PTAR1: variants seen among roughly 807,000 people sequenced by gnomAD.
The protein encoded by PTAR1 is protein prenyltransferase alpha subunit repeat containing 1.
In PTAR1, 17 loss-of-function variants were observed where a neutral mutation model predicts 45.5. That is an observed-to-expected ratio of 0.37 (90% CI 0.26 to 0.56). PTAR1 has a LOEUF of 0.56. PTAR1 is among the 20% of genes least tolerant of loss of function. The pLI is 0.77. For missense variants in PTAR1, 391 were observed against 476.3 expected (o/e 0.82, Z 1.67); for synonymous variants, 169 against 171.3 (o/e 0.99, Z 0.11).
chr9:69,747,868 G>C (rs906966597), intron 2 of PTAR1, among the ~76,000 whole-genome samples: 2 of 152,166 alleles, frequency 1.3e-5, no homozygotes, highest in Admixed American at 1.3e-4. Context: ...ATATAAACTG[G>C]AGGAAAAACT....
chr9:69,715,587 A>G lies in PTAR1; in HGVS notation c.*2755T>C, dbSNP rs774844919. 8.5e-5 allele frequency: 13 copies of G among 152,096 alleles called. No homozygotes were observed. Among genetic ancestry groups the G allele is most frequent in the Admixed American group, 5.2e-4 (8 of 15,242 alleles). The allele number at this position is 152,096 out of a possible 1,614,324, so 9.4% of individuals were successfully genotyped here. The stretch of plus-strand genomic sequence containing the variant: ...AGGATGACCCACTGTTCTTCCAGTG[A>G]AAGTTTAATGAAATATGTGTCAATA... On this transcript the variant is annotated 3_prime_UTR_variant, in exon 8 of 8. Coordinates refer to ENST00000340434, the MANE Select transcript of PTAR1 (RefSeq NM_001099666.2).
At chr9:69,753,192 T>C (rs764225930) in intron 1 of PTAR1, among the ~76,000 whole-genome samples, 1 of 152,080 alleles carries the variant, frequency 6.6e-6, no homozygotes, top group African/African-American at 2.4e-5. Context: ...TGCTCACTAA[T>C]TAAACTAGGA....
At chr9:69,759,801 G>GC in intron 1 of PTAR1, 52 bp downstream of exon 1, 1 of 1,294,590 alleles carries the variant, frequency 7.7e-7, no homozygotes, top group Non-Finnish European at 1.0e-6. Context: ...GCTTGGCCCC[G>GC]CCCCCGCCCG....
At chr9:69,751,228 C>T (rs1488619664) in intron 1 of PTAR1, among the ~76,000 whole-genome samples, 1 of 152,104 alleles carries the variant, frequency 6.6e-6, no homozygotes, top group South Asian at 2.1e-4. Flanking sequence ...ACCCTTTGAT[C>T]CAGCAATTCA....
chr9:69,721,543 T>C (rs1449237206), intron 6 of PTAR1, among the ~76,000 whole-genome samples: 10 of 152,168 alleles, frequency 6.6e-5, no homozygotes, highest in African/African-American at 2.4e-4. Context: ...TGACTCCAAT[T>C]TCGAAATAAG....
chr9:69,748,003 T>C (rs1027549865), intron 2 of PTAR1, among the ~76,000 whole-genome samples: 10 of 152,140 alleles, frequency 6.6e-5, no homozygotes, highest in African/African-American at 2.4e-4. Context: ...CAAACTGTTT[T>C]TAAGAAATGC....
intron 4 of PTAR1, among the ~76,000 whole-genome samples, chr9:69,732,680 G>T (rs1286976670): frequency 6.6e-6 from 1 of 152,174 alleles, no homozygotes; most frequent in African/African-American, 2.4e-5. Context: ...TGGTGTGTGT[G>T]TGTGTGGTCG....
chr9:69,740,422 G>T (rs1017682552), intron 3 of PTAR1, among the ~76,000 whole-genome samples: 1 of 151,994 alleles, frequency 6.6e-6, no homozygotes, highest in Non-Finnish European at 1.5e-5. Flanking sequence ...GTGTGTGTGT[G>T]TGTGTATGTA....
chr9:69,725,571 C>T (rs1390017334), intron 5 of PTAR1, among the ~76,000 whole-genome samples: 2 of 148,098 alleles, frequency 1.4e-5, no homozygotes, highest in African/African-American at 5.0e-5. Flanking sequence ...GCCTGGGCGA[C>T]AAAACAAGAC....
rs148787203 is a variant in PTAR1, at chr9:69,713,437, C to T, written c.*4905G>A. ...ATTTCTATGAAATTATATTTGCTAT[C>T]TTGAAATATGGAATTCCTATCCCTC... On this transcript the variant is annotated 3_prime_UTR_variant, in exon 8 of 8. Coordinates refer to ENST00000340434, the MANE Select transcript of PTAR1 (RefSeq NM_001099666.2). 1 of 152,118 alleles carries T rather than the reference C, an allele frequency of 6.6e-6. No individual in the cohort carries two copies. Among genetic ancestry groups the T allele is most frequent in the African/African-American group, 2.4e-5 (1 of 41,424 alleles). 9.4% of individuals were successfully genotyped at this position (152,118 alleles called of 1,614,324 possible).
chr9:69,735,322 C>A (rs559310671), intron 3 of PTAR1, among the ~76,000 whole-genome samples: 1 of 152,242 alleles, frequency 6.6e-6, no homozygotes, highest in African/African-American at 2.4e-5. Flanking sequence ...TGCCATATAA[C>A]CTACACACAT....
chr9:69,759,672 G>C (rs1236880572), intron 1 of PTAR1, among the ~76,000 whole-genome samples, 181 bp downstream of exon 1: 1 of 152,136 alleles, frequency 6.6e-6, no homozygotes, highest in African/African-American at 2.4e-5. Context: ...CGTCCCGGTA[G>C]CGGAAAGCCG....
At chr9:69,738,464 G>A (rs955192979) in intron 3 of PTAR1, among the ~76,000 whole-genome samples, 6 of 152,082 alleles carry the variant, frequency 3.9e-5, no homozygotes, top group African/African-American at 1.4e-4. Flanking sequence ...TTTGTCTATT[G>A]TCTCTTACTT....
rs138846338 is a variant in PTAR1, at chr9:69,753,499, T to G, written c.87-2549A>C. Among the ~76,000 whole-genome samples, 907 of 152,216 alleles carry G rather than the reference T, an allele frequency of 6.0e-3. 7 individuals are homozygous for G. Among genetic ancestry groups the G allele is most frequent in the Non-Finnish European group, 6.5e-3 (444 of 67,990 alleles). On this transcript the variant is annotated intron_variant, in intron 1 of 7. Coordinates refer to ENST00000340434, the MANE Select transcript of PTAR1 (RefSeq NM_001099666.2). ...CATGTGTCCAAGTCCTGGATGGAAA[T>G]AGATATATACACACACACATATACA...
At chr9:69,745,746 CCTT>C (rs1310742812) in intron 2 of PTAR1, among the ~76,000 whole-genome samples, 1 of 152,156 alleles carries the variant, frequency 6.6e-6, no homozygotes, top group Admixed American at 6.5e-5. Flanking sequence ...GCCTTAATGT[CCTT>C]CTCGTATGTA....
rs950802211 is a variant in PTAR1, at chr9:69,712,855, T to C, written c.*5487A>G. On this transcript the variant is annotated 3_prime_UTR_variant, in exon 8 of 8. Transcript: ENST00000340434. ...ACAGAAGACACGAGAATGTTCATAC[T>C]AGAGCCATAGGGACCAAAGCAGCAA... 1.3e-5 allele frequency: 2 copies of C among 152,124 alleles called. No homozygotes were observed. Among genetic ancestry groups the C allele is most frequent in the Non-Finnish European group, 2.9e-5 (2 of 68,008 alleles). The allele number at this position is 152,124 out of a possible 1,614,324, so 9.4% of individuals were successfully genotyped here.
At chr9:69,741,673 G>A (rs1342903482) in intron 3 of PTAR1, 119 bp downstream of exon 3, 1 of 664,246 alleles carries the variant, frequency 1.5e-6, no homozygotes, top group African/African-American at 1.8e-5. Flanking sequence ...AAAGAATAGG[G>A]AGAAGAAATA....
chr9:69,734,425 T>C (rs904837251), intron 3 of PTAR1, among the ~76,000 whole-genome samples, 171 bp from the exon 4 acceptor site: 1 of 152,076 alleles, frequency 6.6e-6, no homozygotes, highest in African/African-American at 2.4e-5. Flanking sequence ...AAAACACTCA[T>C]AAATGTGACA....
chr9:69,726,036 T>TA (rs1460307959), intron 5 of PTAR1, among the ~76,000 whole-genome samples: 1 of 152,110 alleles, frequency 6.6e-6, no homozygotes, highest in Admixed American at 6.5e-5. Flanking sequence ...CTACTAAAAA[T>TA]ACATATGCCA....
Sources: gnomAD v4.1 joint callset for allele counts (sites outside exome capture counted in the v4.1 genomes callset) on GRCh38, gnomAD v4.1.1 for gene constraint, MANE v1.5 for transcripts, NCBI Gene and HGNC (gene_info 2026-07-23, HGNC 2026-07-21) for gene names.